KIF5B: variants seen among roughly 807,000 people sequenced by gnomAD.
KIF5B encodes kinesin family member 5B, also known as kinesin-1 heavy chain.
KIF5B carries 49 observed loss-of-function variants against 132.8 expected under a neutral mutation model. The ratio of observed to expected loss-of-function variants is 0.37; its 90% confidence interval spans 0.29 to 0.47. The LOEUF is 0.47. Ranked by LOEUF, KIF5B falls within the 20% of genes least tolerant of loss-of-function variation. The pLI is 1.00. For missense variants in KIF5B, 780 were observed against 1,144.0 expected (o/e 0.68, Z 4.59); for synonymous variants, 355 against 369.4 (o/e 0.96, Z 0.45).
At chr10:32,029,270 A>C (rs369965729) in intron 14 of KIF5B, among the ~76,000 whole-genome samples, 1 of 152,210 alleles carries the variant, frequency 6.6e-6, no homozygotes, top group Non-Finnish European at 1.5e-5. Context: ...GAGTGCTTGC[A>C]TGATGCTCAA....
At chr10:32,016,518 TTTTG>T (rs199792200) in intron 24 of KIF5B, among the ~76,000 whole-genome samples, 1,921 of 151,920 alleles carry the variant, frequency 0.013, 37 homozygotes, top group African/African-American at 0.043. Flanking sequence ...CTGCACCAAT[TTTTG>T]TTTGTTTGTT....
At chr10:32,028,000 T>C (rs972904083) in intron 15 of KIF5B, among the ~76,000 whole-genome samples, 3 of 151,880 alleles carry the variant, frequency 2.0e-5, no homozygotes, top group African/African-American at 7.3e-5. Flanking sequence ...GGAGACAGCA[T>C]CTTGATCTGT....
intron 25 of KIF5B, among the ~76,000 whole-genome samples, 175 bp downstream of exon 25, chr10:32,015,334 A>G (rs1841144158): frequency 1.3e-5 from 2 of 152,202 alleles, no homozygotes. Flanking sequence ...TAAGACCACA[A>G]ATTTGAATAT....
Position 32,055,781 on chromosome 10 carries a change from T to G in KIF5B, c.126+67A>C, listed in dbSNP as rs1841753979. On this transcript the variant is annotated intron_variant, in intron 1 of 25. Coordinates refer to ENST00000302418, the MANE Select transcript of KIF5B (RefSeq NM_004521.3). ...CCTTTCAATTCTGCACCCTGCCACT[T>G]CCCTAAACTCCCCGCACAGGCCGGC... 6.3e-6 allele frequency: 10 copies of G among 1,583,982 alleles called. No individual in the cohort carries two copies. The Admixed American group carries it at 1.7e-4, about 27-fold the overall frequency.
Position 32,038,217 on chromosome 10 carries a change from A to G in KIF5B, c.444T>C (p.Val148=). 1 of 1,604,408 alleles carries G rather than the reference A, an allele frequency of 6.2e-7. No individual in the cohort carries two copies. Among genetic ancestry groups the G allele is most frequent in the African/African-American group, 1.3e-5 (1 of 74,704 alleles). Residue 148 remains valine (V), a splice_region_variant and synonymous_variant, in exon 6 of 26, where the codon GTT becomes GTC. Coordinates refer to ENST00000302418, the MANE Select transcript of KIF5B (RefSeq NM_004521.3). ...YLDKIRDLLD[V]SKTNLSVHED... ...CATGAACTGAAAGGTTGGTCTTTGAAACTGAGAAAGAAAAACAAATGTTAG... is the reference window on the plus strand; with the variant it reads ...CATGAACTGAAAGGTTGGTCTTTGAGACTGAGAAAGAAAAACAAATGTTAG...
At chr10:32,052,028 T>A (rs1188291644) in intron 1 of KIF5B, among the ~76,000 whole-genome samples, 1 of 152,214 alleles carries the variant, frequency 6.6e-6, no homozygotes, top group Admixed American at 6.5e-5. Flanking sequence ...GTCTGATTGA[T>A]GCTTTAAGGG....
At chr10:32,014,597 T>G (rs985837153) in intron 25 of KIF5B, among the ~76,000 whole-genome samples, 4 of 151,988 alleles carry the variant, frequency 2.6e-5, no homozygotes, top group Non-Finnish European at 5.9e-5. Context: ...ATCTCTAGAT[T>G]TTTTCTAATT....
chr10:32,020,172 T>C (rs1841239016), intron 19 of KIF5B, among the ~76,000 whole-genome samples: 1 of 152,202 alleles, frequency 6.6e-6, no homozygotes, highest in African/African-American at 2.4e-5. Context: ...TGTTCTCCTC[T>C]GTCTTTCATC....
At chr10:32,029,102 T>C (rs1288815225) in intron 14 of KIF5B, among the ~76,000 whole-genome samples, 1 of 152,180 alleles carries the variant, frequency 6.6e-6, no homozygotes, top group Non-Finnish European at 1.5e-5. Flanking sequence ...ATGACTATCA[T>C]TATAAATCTC....
chr10:32,039,446 A>C lies in KIF5B; in HGVS notation c.289-15T>G. On this transcript the variant is annotated splice_polypyrimidine_tract_variant and intron_variant, in intron 3 of 25. Transcript: ENST00000302418. Reference sequence around the variant, plus strand: ...TGAAGTTTACCCTAAACAAAAAACAAAACTAGACTTCTTAAATAAATTATA... The same window carrying C: ...TGAAGTTTACCCTAAACAAAAAACACAACTAGACTTCTTAAATAAATTATA... The C allele has an allele frequency of 9.5e-7, 1 of 1,054,852 alleles. No homozygotes were observed. The highest frequency in any genetic ancestry group is 2.0e-4 in the Middle Eastern group (1 of 4,904). The allele number at this position is 1,054,852 out of a possible 1,614,324, so 65.3% of individuals were successfully genotyped here.
At chr10:32,013,121 G>A (rs190426919) in intron 25 of KIF5B, among the ~76,000 whole-genome samples, 39 of 152,002 alleles carry the variant, frequency 2.6e-4, no homozygotes, top group African/African-American at 8.9e-4. Context: ...GGCTGGTCTC[G>A]AACTCCTGAC....
At chr10:32,033,184 C>A (rs181674734) in intron 12 of KIF5B, among the ~76,000 whole-genome samples, 2 of 152,260 alleles carry the variant, frequency 1.3e-5, no homozygotes, top group African/African-American at 4.8e-5. Flanking sequence ...TCTCTCACAT[C>A]ATCTTTTATT....
rs1426559369 is a variant in KIF5B, at chr10:32,015,573, T to G, written c.2848A>C (p.Ser950Arg). 5 of 1,613,652 alleles carry G rather than the reference T, an allele frequency of 3.1e-6. No homozygotes were observed. The highest frequency in any genetic ancestry group is 4.2e-6 in the Non-Finnish European group (5 of 1,179,724). Residue 950 changes from serine to arginine, a missense_variant, in exon 25 of 26, where the codon AGC becomes CGC. Physicochemically the swap from Ser to Arg is moderately radical, Grantham distance 110 (BLOSUM62 -1). Coordinates refer to ENST00000302418, the MANE Select transcript of KIF5B (RefSeq NM_004521.3). ...CCACCTCGCACTGCCACTGGCTGGC[T>G]GTTCTGAACAAATGCACCTCCTCCA... ...IRGGGAFVQN[S>R]QPVAVRGGGG... is the part of the protein sequence containing the mutation.
chr10:32,021,967 C>G (rs539912550), intron 17 of KIF5B, among the ~76,000 whole-genome samples, 173 bp downstream of exon 17: 1 of 151,958 alleles, frequency 6.6e-6, no homozygotes, highest in East Asian at 1.9e-4. Flanking sequence ...GTGAAGACGC[C>G]GTCTCAAAAC....
intron 25 of KIF5B, among the ~76,000 whole-genome samples, chr10:32,012,765 G>A (rs1444834319): frequency 6.6e-6 from 1 of 152,060 alleles, no homozygotes; most frequent in African/African-American, 2.4e-5. Flanking sequence ...TTTAATGTGA[G>A]GACAATATCC....
chr10:32,017,580 G>A (rs866001690), intron 23 of KIF5B, among the ~76,000 whole-genome samples: 1 of 152,060 alleles, frequency 6.6e-6, no homozygotes, highest in African/African-American at 2.4e-5. Flanking sequence ...TTTTTTAGGG[G>A]GAGAATTGTT....
chr10:32,048,150 T>A (rs1841638873), intron 2 of KIF5B, among the ~76,000 whole-genome samples: 1 of 152,218 alleles, frequency 6.6e-6, no homozygotes, highest in Non-Finnish European at 1.5e-5. Flanking sequence ...ATTCTCATAC[T>A]GTTCTCTTTC....
At chr10:32,033,593 GC>G (rs1841427188) in intron 12 of KIF5B, among the ~76,000 whole-genome samples, 2 of 152,292 alleles carry the variant, frequency 1.3e-5, no homozygotes, top group South Asian at 4.1e-4. Flanking sequence ...GGGGACTGCT[GC>G]CTTATAAAGT....
intron 25 of KIF5B, among the ~76,000 whole-genome samples, chr10:32,012,995 G>C (rs956267996): frequency 9.9e-5 from 15 of 151,078 alleles, no homozygotes; most frequent in African/African-American, 3.7e-4. Context: ...TCCGCCTCCT[G>C]GGTTCAAGCG....
Sources: gnomAD v4.1 joint callset for allele counts (sites outside exome capture counted in the v4.1 genomes callset) on GRCh38, gnomAD v4.1.1 for gene constraint, MANE v1.5 for transcripts, NCBI Gene and HGNC (gene_info 2026-07-23, HGNC 2026-07-21) for gene names.